DDX60: variants seen among roughly 807,000 people sequenced by gnomAD.
DDX60 encodes probable ATP-dependent RNA helicase DDX60.
Under a neutral mutation model 212.8 loss-of-function variants are expected in DDX60, and 165 were observed. The ratio of observed to expected loss-of-function variants is 0.78; its 90% CI spans 0.68 to 0.88. The LOEUF is 0.88. Among genes scored for constraint, DDX60 ranks in the 40% least tolerant of loss-of-function variants. DDX60 has a pLI of 0.00. For synonymous variants in DDX60, 703 were observed against 685.3 expected (o/e 1.03, Z -0.40); for missense variants, 1,905 against 2,003.9 (o/e 0.95, Z 0.94).
At chr4:168,325,493 GTATC>G in the DDX60 span, among the ~76,000 whole-genome samples, 4 of 152,140 alleles carry the variant, frequency 2.6e-5, no homozygotes, top group Non-Finnish European at 4.4e-5. Context: ...ATTCATATGT[GTATC>G]TATGAAAAAG....
At chr4:168,222,570 T>C (rs1204462882) in intron 35 of DDX60, among the ~76,000 whole-genome samples, 1 of 152,118 alleles carries the variant, frequency 6.6e-6, no homozygotes, top group Non-Finnish European at 1.5e-5. Flanking sequence ...ATGCAAATTA[T>C]AAACTGCAGC....
chr4:168,243,864 T>C (rs1578991305), intron 30 of DDX60, among the ~76,000 whole-genome samples: 2 of 150,522 alleles, frequency 1.3e-5, no homozygotes, highest in East Asian at 1.9e-4. Flanking sequence ...CAAATGCCCA[T>C]TAACAATAGA....
At chr4:168,308,579 C>T (rs1736993757) in intron 3 of DDX60, among the ~76,000 whole-genome samples, 1 of 151,612 alleles carries the variant, frequency 6.6e-6, no homozygotes, top group Non-Finnish European at 1.5e-5. Flanking sequence ...AAACTGTTTC[C>T]ATTCACTGTC....
chr4:168,231,800 G>C (rs977351451), intron 33 of DDX60, among the ~76,000 whole-genome samples: 17 of 151,930 alleles, frequency 1.1e-4, no homozygotes, highest in African/African-American at 4.1e-4. Flanking sequence ...CTGAGAACTG[G>C]AATAAGAAAA....
At chr4:168,252,063 G>A (rs993091096) in intron 27 of DDX60, among the ~76,000 whole-genome samples, 6 of 152,298 alleles carry the variant, frequency 3.9e-5, no homozygotes, top group South Asian at 2.1e-4. Flanking sequence ...GAAATTCTGT[G>A]AATATTACTT....
At chr4:168,324,892 G>C in the DDX60 span, among the ~76,000 whole-genome samples, 1 of 152,224 alleles carries the variant, frequency 6.6e-6, no homozygotes, top group African/African-American at 2.4e-5. Context: ...CAAAGACTGT[G>C]TGCAACAGAA....
At chr4:168,222,954 C>T (rs1336894067) in intron 35 of DDX60, among the ~76,000 whole-genome samples, 3 of 151,958 alleles carry the variant, frequency 2.0e-5, no homozygotes, top group Admixed American at 6.6e-5. Context: ...GAGAGTTCGA[C>T]GTTACAGCAG....
rs1202474195 is a variant in DDX60 at position 168,302,408 on chromosome 4, C to T, written c.615G>A (p.Gln205=). ...RHQIFSWKNK[Q]NIKDAYTTLL... ...GGGTTGTATAAGCATCTTTAATGTT[C>T]TGCTTATTCTGTAAAATAAAGAAAA... Residue 205 remains glutamine (Q), a synonymous_variant, in exon 6 of 38, where the codon CAG becomes CAA. Coordinates refer to ENST00000393743, the MANE Select transcript of DDX60 (RefSeq NM_017631.6). 1 of 1,436,742 alleles carries T rather than the reference C, an allele frequency of 7.0e-7. No individual in the cohort carries two copies. The highest frequency in any genetic ancestry group is 9.2e-7 in the Non-Finnish European group (1 of 1,081,212). 89.0% of individuals were successfully genotyped at this position (1,436,742 alleles called of 1,614,324 possible). A position where few individuals can be genotyped will look rare whatever the true frequency, so the allele number is the denominator to read the frequency against.
At chr4:168,247,934 T>C (rs546687979) in intron 29 of DDX60, among the ~76,000 whole-genome samples, 1 of 152,338 alleles carries the variant, frequency 6.6e-6, no homozygotes, top group African/African-American at 2.4e-5. Context: ...TTATTACCCA[T>C]ATTTTGGAGA....
At chr4:168,286,430 A>ATAGAT (rs1553969634) in intron 10 of DDX60, among the ~76,000 whole-genome samples, 1 of 56,806 alleles carries the variant, frequency 1.8e-5, no homozygotes, top group Non-Finnish European at 3.6e-5. Flanking sequence ...CACGAGATAG[A>ATAGAT]TAGATAGATA....
Position 168,224,277 on chromosome 4 carries a change from T to C in DDX60, c.4790A>G (p.Asp1597Gly). ...AGTTTCTAGTCGAAGCAAATCATCA[T>C]CAAAGTTCCCAGACAGACAAACAAA... is the stretch of plus-strand genomic sequence containing the variant. ...SPFVCLSGNFDDDLLRLETPN... is the reference protein window; with the variant it reads ...SPFVCLSGNFGDDLLRLETPN... Residue 1597 changes from aspartate to glycine, a missense_variant, in exon 35 of 38, where the codon GAT becomes GGT. Asp to Gly is a moderately conservative substitution (Grantham distance 94, BLOSUM62 -1). Coordinates refer to ENST00000393743, the MANE Select transcript of DDX60 (RefSeq NM_017631.6). 6.2e-7 allele frequency: 1 copy of C among 1,612,576 alleles called. No homozygotes were observed. The highest frequency in any genetic ancestry group is 8.5e-7 in the Non-Finnish European group (1 of 1,178,988).
chr4:168,268,619 G>A (rs1412968452), intron 20 of DDX60, among the ~76,000 whole-genome samples: 1 of 151,970 alleles, frequency 6.6e-6, no homozygotes, highest in Non-Finnish European at 1.5e-5. Context: ...TTTTGGGATG[G>A]GGGAAATTTC....
At chr4:168,307,743 G>A (rs547031023) in intron 4 of DDX60, among the ~76,000 whole-genome samples, 4 of 152,238 alleles carry the variant, frequency 2.6e-5, no homozygotes, top group Admixed American at 2.0e-4. Flanking sequence ...CAACTGGGCC[G>A]CTATTGAGGA....
At chr4:168,298,196 C>T (rs1489423200) in intron 6 of DDX60, among the ~76,000 whole-genome samples, 5 of 151,778 alleles carry the variant, frequency 3.3e-5, no homozygotes, top group African/African-American at 2.4e-5. Context: ...ATACACATAT[C>T]GTAAAGAAAC....
At chr4:168,307,905 G>T in intron 4 of DDX60, 101 bp downstream of exon 4, 2 of 615,394 alleles carry the variant, frequency 3.2e-6, no homozygotes, top group Non-Finnish European at 4.8e-6. Flanking sequence ...AACTTTTATA[G>T]ATATAATCTA....
At chr4:168,222,717 A>G (rs1019906504) in intron 35 of DDX60, among the ~76,000 whole-genome samples, 1 of 152,224 alleles carries the variant, frequency 6.6e-6, no homozygotes, top group African/African-American at 2.4e-5. Flanking sequence ...AGTAGCTTGA[A>G]AAGTTTAATA....
At chr4:168,255,589 T>G (rs1401547892) in intron 26 of DDX60, 122 bp downstream of exon 26, 3 of 797,608 alleles carry the variant, frequency 3.8e-6, no homozygotes, top group Non-Finnish European at 3.7e-6. Flanking sequence ...GTACTCAATT[T>G]AGAAATAAGT....
At chr4:168,267,783 A>G in intron 21 of DDX60, 58 bp downstream of exon 21, 1 of 1,545,734 alleles carries the variant, frequency 6.5e-7, no homozygotes, top group Non-Finnish European at 8.7e-7. Context: ...AGGCAATGGC[A>G]GATTTTTTAA....
intron 7 of DDX60, among the ~76,000 whole-genome samples, chr4:168,292,932 T>C (rs915513769): frequency 1.3e-5 from 2 of 152,232 alleles, no homozygotes; most frequent in African/African-American, 2.4e-5. Flanking sequence ...TTCAATCTGA[T>C]AATTGGAAAA....
Sources: gnomAD v4.1 joint callset for allele counts (sites outside exome capture counted in the v4.1 genomes callset) on GRCh38, gnomAD v4.1.1 for gene constraint, MANE v1.5 for transcripts, NCBI Gene and HGNC (gene_info 2026-07-23, HGNC 2026-07-21) for gene names.